ZNF487: variants seen among roughly 807,000 people sequenced by gnomAD.
ZNF487 encodes KRAB domain only 1.
ZNF487 carries 4 observed loss-of-function variants against 3.0 expected under a neutral mutation model. The ratio of observed to expected loss-of-function variants is 1.35; its 90% CI spans 0.66 to 3.08. ZNF487 has a LOEUF of 3.08. ZNF487 is among the 30% of genes most tolerant of loss of function. ZNF487 has a pLI of 0.01. For synonymous variants in ZNF487, 55 were observed against 34.6 expected, an observed-to-expected ratio of 1.59 and a Z score of -2.06; for missense variants, 146 against 98.7, an observed-to-expected ratio of 1.48 and a Z score of -2.03.
Position 43,471,868 on chromosome 10 carries a change from A to T in ZNF487, c.-93-3853A>T, listed in dbSNP as rs190714015. 2.6e-5 allele frequency among the ~76,000 whole-genome samples: 4 copies of T among 152,322 alleles called. No individual in the cohort carries two copies. In the East Asian group the frequency reaches 7.7e-4, roughly 29 times the overall value. ...GAAGACACCACTCAATGGTGGGCAT[A>T]ACAGTGTAGAAAACCAATTAGGAAA... On this transcript the variant is annotated intron_variant, in intron 1 of 3. Coordinates refer to ENST00000437590, the MANE Select transcript of ZNF487 (RefSeq NM_001355444.3).
At chr10:43,505,104 C>T in the ZNF487 span, among the ~76,000 whole-genome samples, 5 of 152,070 alleles carry the variant, frequency 3.3e-5, no homozygotes, top group African/African-American at 9.7e-5. Context: ...ACTGAGACCT[C>T]GAACTCCTGG....
In ZNF487 at chr10:43,482,762, TC is replaced by T. The variant is rs1282852111; in HGVS notation, c.*841del. ...AGAGACCCTTTGAATGCAATGAATGTCAAAAATCCTTCTCTGTGAAGTCAAA... is the reference window on the plus strand; with the variant it reads ...AGAGACCCTTTGAATGCAATGAATGTAAAAATCCTTCTCTGTGAAGTCAAA... On this transcript the variant is annotated 3_prime_UTR_variant, in exon 4 of 4. Coordinates refer to ENST00000437590, the MANE Select transcript of ZNF487 (RefSeq NM_001355444.3). The T allele has an allele frequency of 4.2e-6, 2 of 471,846 alleles. No individual in the cohort carries two copies. The highest frequency in any genetic ancestry group is 4.0e-5 in the African/African-American group (2 of 49,592). 29.2% of individuals were successfully genotyped at this position (471,846 alleles called of 1,614,324 possible).
intron 2 of ZNF487, 56 bp from the exon 3 acceptor site, chr10:43,476,051 C>T: frequency 2.8e-6 from 2 of 707,866 alleles, no homozygotes; most frequent in Non-Finnish European, 5.2e-6. Context: ...TGTGCAGGCA[C>T]ACCTTTGTCC....
At chr10:43,452,813 T>C (rs1840054917) in intron 1 of ZNF487, 1 of 152,060 alleles carries the variant, frequency 6.6e-6, no homozygotes, top group South Asian at 2.1e-4. Flanking sequence ...TCTCGTATCT[T>C]TGGGTAATAT....
At chr10:43,505,753 C>T in the ZNF487 span, among the ~76,000 whole-genome samples, 1 of 152,048 alleles carries the variant, frequency 6.6e-6, no homozygotes, top group Non-Finnish European at 1.5e-5. Flanking sequence ...AGGAATTCTC[C>T]TGCCTCAGCC....
the ZNF487 span, among the ~76,000 whole-genome samples, chr10:43,521,630 G>A: frequency 1.3e-5 from 2 of 152,252 alleles, no homozygotes; most frequent in African/African-American, 4.8e-5. Context: ...GACAATGAAA[G>A]CACCAAGAGT....
chr10:43,485,884 C>A (rs1449839774), downstream of ZNF487, among the ~76,000 whole-genome samples: 2 of 152,112 alleles, frequency 1.3e-5, no homozygotes, highest in East Asian at 1.9e-4. Context: ...TTCAGTAAAT[C>A]ATTTTTTTTC....
At chr10:43,493,702 AAAAAAAAATATATATATAT>A in the ZNF487 span, among the ~76,000 whole-genome samples, 4 of 82,968 alleles carry the variant, frequency 4.8e-5, 2 homozygotes, top group African/African-American at 2.1e-4. Flanking sequence ...AAAGAAAAAA[AAAAAAAAATATATATATAT>A]ATATATATAT....
intron 1 of ZNF487, among the ~76,000 whole-genome samples, chr10:43,439,334 A>G (rs1316541303): frequency 6.6e-6 from 1 of 152,136 alleles, no homozygotes; most frequent in Non-Finnish European, 1.5e-5. Context: ...TAGGAGGTTG[A>G]GGCTTCAGTG....
chr10:43,444,646 T>C (rs1179674589), intron 1 of ZNF487, among the ~76,000 whole-genome samples: 1 of 152,174 alleles, frequency 6.6e-6, no homozygotes, highest in Non-Finnish European at 1.5e-5. Context: ...CTCAGCTCAC[T>C]GCAACCTCTG....
chr10:43,488,143 A>G (rs1036208706), downstream of ZNF487, among the ~76,000 whole-genome samples: 1 of 151,872 alleles, frequency 6.6e-6, no homozygotes, highest in African/African-American at 2.4e-5. Flanking sequence ...CTTAATTGTG[A>G]GCTTTAAAAC....
At chr10:43,494,642 G>A in the ZNF487 span, among the ~76,000 whole-genome samples, 1 of 151,668 alleles carries the variant, frequency 6.6e-6, no homozygotes, top group East Asian at 1.9e-4. Flanking sequence ...CTTAGGGAGT[G>A]CTTAAGAAAA....
chr10:43,516,893 C>T, the ZNF487 span, among the ~76,000 whole-genome samples: 1 of 152,190 alleles, frequency 6.6e-6, no homozygotes, highest in African/African-American at 2.4e-5. Flanking sequence ...CTAATATGCC[C>T]TGTTCAGAGC....
chr10:43,462,376 CT>C lies in ZNF487; in HGVS notation c.-93-13337del, dbSNP rs377452860. On this transcript the variant is annotated intron_variant, in intron 1 of 3. Transcript: ENST00000437590. ...TTTAATGTACTTTGCAGATATTGTG[CT>C]TTTTTTTCTTTTTTCTTTTTTCTTT... Among the ~76,000 whole-genome samples the C allele has an allele frequency of 1.5e-3, 223 of 151,054 alleles. 1 individual carries two copies. The highest frequency in any genetic ancestry group is 5.2e-3 in the African/African-American group (212 of 41,126).
chr10:43,478,585 TGG>T (rs1841191201), intron 3 of ZNF487, among the ~76,000 whole-genome samples: 1 of 151,768 alleles, frequency 6.6e-6, no homozygotes, highest in Non-Finnish European at 1.5e-5. Flanking sequence ...TAGCCAGGCA[TGG>T]TCATACACCA....
chr10:43,460,586 AG>A (rs1304907707), intron 1 of ZNF487, among the ~76,000 whole-genome samples: 2 of 141,882 alleles, frequency 1.4e-5, no homozygotes, highest in African/African-American at 5.9e-5. Context: ...CATCTTGACC[AG>A]GCTGGTCTTG....
At chr10:43,475,374 G>A (rs547881530) in intron 1 of ZNF487, among the ~76,000 whole-genome samples, 8 of 152,104 alleles carry the variant, frequency 5.3e-5, no homozygotes, top group East Asian at 1.9e-4. Flanking sequence ...AATTAGCTGG[G>A]TGTGGTGGTG....
At chr10:43,451,391 G>A (rs1184611450) in intron 1 of ZNF487, among the ~76,000 whole-genome samples, 66 of 144,050 alleles carry the variant, frequency 4.6e-4, no homozygotes, top group Middle Eastern at 8.5e-3. Flanking sequence ...GATTACAGGT[G>A]TGCGCCACCA....
the ZNF487 span, among the ~76,000 whole-genome samples, chr10:43,488,202 TTAAA>T: frequency 5.9e-5 from 9 of 152,110 alleles, no homozygotes; most frequent in African/African-American, 2.2e-4. Context: ...AAATCATCCC[TTAAA>T]TAAAACTTTG....
Sources: allele counts gnomAD v4.1 joint callset (sites outside exome capture counted in the v4.1 genomes callset), GRCh38; gene constraint gnomAD v4.1.1; transcripts MANE v1.5; gene names NCBI Gene and HGNC (gene_info 2026-07-23, HGNC 2026-07-21).